Variants in MYO1D observed in about 807,000 individuals in gnomAD.
The protein encoded by MYO1D is unconventional myosin-Id.
MYO1D carries 83 observed loss-of-function variants against 122.0 expected under a neutral mutation model. The ratio of observed to expected loss-of-function variants is 0.68; its 90% CI spans 0.57 to 0.82. The LOEUF is 0.82. Among genes scored for constraint, MYO1D ranks in the 40% least tolerant of loss-of-function variants. The probability of loss-of-function intolerance (pLI) is 0.00; values close to 1 mark genes in which losing one functional copy is unlikely to be tolerated. For missense variants in MYO1D, 1,157 were observed against 1,269.5 expected (o/e 0.91, Z 1.35); for synonymous variants, 464 against 446.9 (o/e 1.04, Z -0.48).
At chr17:32,516,507 G>T (rs1909896006) in intron 21 of MYO1D, among the ~76,000 whole-genome samples, 1 of 152,214 alleles carries the variant, frequency 6.6e-6, no homozygotes, top group African/African-American at 2.4e-5. Flanking sequence ...TTTCCTGCCT[G>T]CCATGAAGAG....
intron 21 of MYO1D, chr17:32,594,585 A>G (rs2150907015): frequency 3.0e-6 from 2 of 662,322 alleles, no homozygotes; most frequent in Admixed American, 2.3e-5. Context: ...TAAATTTTAT[A>G]TTATTGGCCT....
Position 32,778,574 on chromosome 17 carries a change from CT to C in MYO1D, c.305-2del. ...TCCGTTTTACCAGCTCCACTTTCCC[CT>C]GGGGGGAAAAATTGTTCAGGGCTTA... is the stretch of plus-strand genomic sequence containing the variant. On this transcript the variant is annotated splice_acceptor_variant, in intron 2 of 21. Transcript: ENST00000318217. LOFTEE classifies it high-confidence loss of function. 6.2e-7 allele frequency: 1 copy of C among 1,612,702 alleles called. No individual in the cohort carries two copies. The highest frequency in any genetic ancestry group is 8.5e-7 in the Non-Finnish European group (1 of 1,178,792).
At chr17:32,533,639 C>T (rs191780911) in intron 21 of MYO1D, among the ~76,000 whole-genome samples, 11 of 152,190 alleles carry the variant, frequency 7.2e-5, no homozygotes, top group African/African-American at 2.2e-4. Context: ...CTCTGTGATC[C>T]GCTGACCTCT....
chr17:32,734,305 T>C (rs1489997157), intron 14 of MYO1D, among the ~76,000 whole-genome samples: 1 of 152,182 alleles, frequency 6.6e-6, no homozygotes, highest in Non-Finnish European at 1.5e-5. Context: ...ATCCATAATA[T>C]TCTGATACTT....
rs1165006685 is a variant in MYO1D, at chr17:32,605,245, C to T, written c.2710-4G>A. On this transcript the variant is annotated splice_region_variant and splice_polypyrimidine_tract_variant and intron_variant, in intron 20 of 21. Transcript: ENST00000318217. The stretch of plus-strand genomic sequence containing the variant: ...TGGAGACACTCAGACCAGTCAACTG[C>T]AAAGAGAAAATGCATGGAAAACTAT... 1 of 1,537,496 alleles carries T rather than the reference C, an allele frequency of 6.5e-7. No individual in the cohort carries two copies. Among genetic ancestry groups the T allele is most frequent in the East Asian group, 2.3e-5 (1 of 43,540 alleles).
chr17:32,758,070 G>GA (rs1202490593), intron 10 of MYO1D, among the ~76,000 whole-genome samples: 1 of 151,954 alleles, frequency 6.6e-6, no homozygotes, highest in African/African-American at 2.4e-5. Flanking sequence ...ATGGGCTGTG[G>GA]AAAAAAACTG....
intron 5 of MYO1D, among the ~76,000 whole-genome samples, chr17:32,771,435 A>T (rs543423476): frequency 1.3e-5 from 2 of 152,288 alleles, no homozygotes; most frequent in East Asian, 3.9e-4. Flanking sequence ...TCATAAAGAA[A>T]ATTACTCTGA....
At chr17:32,656,550 TG>T (rs533607640) in intron 17 of MYO1D, among the ~76,000 whole-genome samples, 10 of 152,180 alleles carry the variant, frequency 6.6e-5, no homozygotes, top group Non-Finnish European at 1.5e-4. Context: ...GCACATGGAA[TG>T]GCTGGCTGCA....
chr17:32,570,410 G>A (rs2150895163), intron 21 of MYO1D, among the ~76,000 whole-genome samples: 1 of 152,080 alleles, frequency 6.6e-6, no homozygotes, highest in Admixed American at 6.5e-5. Flanking sequence ...TGTCGCCCAG[G>A]CTGGAGTGCA....
At chr17:32,683,699 TTTTG>T (rs374310759) in intron 16 of MYO1D, among the ~76,000 whole-genome samples, 4,395 of 151,916 alleles carry the variant, frequency 0.029, 111 homozygotes, top group East Asian at 0.19. Flanking sequence ...ACTGCTGTCT[TTTTG>T]TTTGTCTGTG....
chr17:32,811,606 C>T (rs2090572455), intron 1 of MYO1D, among the ~76,000 whole-genome samples: 1 of 150,424 alleles, frequency 6.6e-6, no homozygotes, highest in African/African-American at 2.4e-5. Flanking sequence ...TATCTCCCAA[C>T]CCTCACCCTC....
At chr17:32,811,611 AC>A (rs2090572596) in intron 1 of MYO1D, among the ~76,000 whole-genome samples, 1 of 60,408 alleles carries the variant, frequency 1.7e-5, no homozygotes, top group African/African-American at 5.8e-5. Context: ...CCCAACCCTC[AC>A]CCTCTTTTTT....
At chr17:32,564,413 C>A (rs948185862) in intron 21 of MYO1D, among the ~76,000 whole-genome samples, 2 of 152,170 alleles carry the variant, frequency 1.3e-5, no homozygotes, top group African/African-American at 4.8e-5. Flanking sequence ...CTTTCTAAGC[C>A]GACACCCTCT....
chr17:32,743,781 C>T (rs1415076506), intron 13 of MYO1D, among the ~76,000 whole-genome samples: 1 of 151,950 alleles, frequency 6.6e-6, no homozygotes. Flanking sequence ...CCACACCCGG[C>T]TAATTTTTTC....
At chr17:32,741,468 C>A (rs1349443243) in intron 13 of MYO1D, among the ~76,000 whole-genome samples, 1 of 151,640 alleles carries the variant, frequency 6.6e-6, no homozygotes, top group Admixed American at 6.6e-5. Flanking sequence ...ATTTAATAGA[C>A]TTTCAATCTT....
intron 1 of MYO1D, among the ~76,000 whole-genome samples, chr17:32,808,540 G>A (rs2090540990): frequency 6.6e-6 from 1 of 151,930 alleles, no homozygotes; most frequent in Non-Finnish European, 1.5e-5. Context: ...AATGTATTCT[G>A]AGCACTATGA....
At chr17:32,633,469 A>C (rs913811446) in intron 20 of MYO1D, among the ~76,000 whole-genome samples, 1 of 152,048 alleles carries the variant, frequency 6.6e-6, no homozygotes, top group African/African-American at 2.4e-5. Flanking sequence ...CATTTAACTA[A>C]TTTGCTTCAC....
intron 3 of MYO1D, 70 bp downstream of exon 3, chr17:32,778,410 T>G: frequency 1.4e-6 from 2 of 1,470,354 alleles, no homozygotes; most frequent in Non-Finnish European, 1.9e-6. Context: ...CCCCTAGAGT[T>G]TAGGTCTAGC....
intron 16 of MYO1D, among the ~76,000 whole-genome samples, chr17:32,694,609 G>A (rs1301014443): frequency 1.4e-5 from 2 of 146,590 alleles, no homozygotes; most frequent in South Asian, 2.2e-4. Flanking sequence ...GCTGAGGCAG[G>A]AGAATGGCGT....
Sources: allele counts gnomAD v4.1 joint callset (sites outside exome capture counted in the v4.1 genomes callset), GRCh38; gene constraint gnomAD v4.1.1; transcripts MANE v1.5; gene names NCBI Gene and HGNC (gene_info 2026-07-23, HGNC 2026-07-21).